Variants in CACNB2 observed in about 807,000 individuals in gnomAD.
CACNB2 encodes voltage-dependent L-type calcium channel subunit beta-2.
CACNB2 carries 42 observed loss-of-function variants against 73.3 expected under a neutral mutation model. The ratio of observed to expected loss-of-function variants is 0.57; its 90% CI spans 0.45 to 0.74. The LOEUF is 0.74. Among genes scored for constraint, CACNB2 ranks in the 30% least tolerant of loss-of-function variants. The pLI is 0.00. For synonymous variants in CACNB2, 348 were observed against 310.3 expected, an observed-to-expected ratio of 1.12 and a Z score of -1.28; for missense variants, 940 against 853.0, an observed-to-expected ratio of 1.10 and a Z score of -1.27.
intron 3 of CACNB2, among the ~76,000 whole-genome samples, chr10:18,424,830 T>C (rs1269286696): frequency 6.6e-6 from 1 of 152,238 alleles, no homozygotes; most frequent in African/African-American, 2.4e-5. Context: ...CAATATGTGG[T>C]CTTCCAGTAG....
At chr10:18,460,991 G>A (rs767005891) in intron 3 of CACNB2, among the ~76,000 whole-genome samples, 31 of 152,044 alleles carry the variant, frequency 2.0e-4, no homozygotes, top group Middle Eastern at 6.8e-3. Context: ...GGGCAATGGC[G>A]TGATCTTGGC....
Position 18,498,351 on chromosome 10 carries a change from T to A in CACNB2, c.334-4T>A. The A allele has an allele frequency of 4.3e-6, 7 of 1,614,106 alleles. No individual in the cohort carries two copies. Among genetic ancestry groups the A allele is most frequent in the Non-Finnish European group, 5.9e-6 (7 of 1,179,970 alleles). ...TTTTTTCCCTCTTCCTTTTCCCACTTTAGACAAAGCCCGTTGCATTTGCGG... is the reference window on the plus strand; with the variant it reads ...TTTTTTCCCTCTTCCTTTTCCCACTATAGACAAAGCCCGTTGCATTTGCGG... On this transcript the variant is annotated splice_region_variant and splice_polypyrimidine_tract_variant and intron_variant, in intron 3 of 13. Coordinates refer to ENST00000324631, the MANE Select transcript of CACNB2 (RefSeq NM_201596.3).
chr10:18,291,832 C>T lies in CACNB2; in HGVS notation c.214-110092C>T, dbSNP rs150205631. 3.2e-4 allele frequency among the ~76,000 whole-genome samples: 49 copies of T among 152,240 alleles called. No homozygotes were observed. In the East Asian group the frequency reaches 9.1e-3, roughly 28 times the overall value. On this transcript the variant is annotated intron_variant, in intron 2 of 13. Transcript: ENST00000324631. The stretch of plus-strand genomic sequence containing the variant: ...AACACATGCTTTAAGAACTTAAAGA[C>T]ATCTAGTTGTTTCATGTTGGTAAGA...
intron 3 of CACNB2, among the ~76,000 whole-genome samples, chr10:18,417,063 A>C (rs544781518): frequency 6.6e-6 from 1 of 151,702 alleles, no homozygotes; most frequent in Non-Finnish European, 1.5e-5. Flanking sequence ...CTGAGAATGC[A>C]TTAATGTTTC....
chr10:18,204,990 A>AG, intron 2 of CACNB2, among the ~76,000 whole-genome samples: 1 of 151,898 alleles, frequency 6.6e-6, no homozygotes. Flanking sequence ...AAAAAAAAAA[A>AG]AAAGGTCTGG....
chr10:18,525,833 AT>A (rs2133216852), intron 9 of CACNB2, among the ~76,000 whole-genome samples: 1 of 151,946 alleles, frequency 6.6e-6, no homozygotes, highest in Non-Finnish European at 1.5e-5. Flanking sequence ...GAAATGTTAC[AT>A]TTCTTTTAAC....
chr10:18,283,400 G>T (rs1366323602), intron 2 of CACNB2, among the ~76,000 whole-genome samples: 1 of 152,062 alleles, frequency 6.6e-6, no homozygotes, highest in East Asian at 1.9e-4. Flanking sequence ...ATTCACAATA[G>T]CAAAGACTTG....
chr10:18,516,486 G>A (rs1419123930), intron 7 of CACNB2, among the ~76,000 whole-genome samples: 1 of 152,190 alleles, frequency 6.6e-6, no homozygotes, highest in African/African-American at 2.4e-5. Context: ...CTTGGTAGCT[G>A]TTACTAAAAT....
intron 2 of CACNB2, among the ~76,000 whole-genome samples, chr10:18,318,395 T>C (rs1007386167): frequency 6.6e-6 from 1 of 152,126 alleles, no homozygotes; most frequent in African/African-American, 2.4e-5. Context: ...TATTTAATAA[T>C]TGGTGCTGGG....
intron 2 of CACNB2, among the ~76,000 whole-genome samples, chr10:18,317,481 T>C (rs1334068218): frequency 6.6e-6 from 1 of 152,184 alleles, no homozygotes; most frequent in Non-Finnish European, 1.5e-5. Context: ...TGAGAACATG[T>C]AGAATTTGAT....
chr10:18,280,757 C>T (rs1221379226), intron 2 of CACNB2, among the ~76,000 whole-genome samples: 4 of 152,154 alleles, frequency 2.6e-5, no homozygotes, highest in Non-Finnish European at 4.4e-5. Flanking sequence ...ATAAAAATGA[C>T]AGTTAATTAC....
chr10:18,534,541 A>C (rs151052124), intron 11 of CACNB2, among the ~76,000 whole-genome samples: 3 of 152,354 alleles, frequency 2.0e-5, no homozygotes, highest in Admixed American at 2.0e-4. Context: ...CTGATGCAAA[A>C]GCAATGGTGG....
chr10:18,290,737 G>T lies in CACNB2; in HGVS notation c.214-111187G>T, dbSNP rs148389888. ...ACTCCGGTGAAGAGAAGGACAACAG[G>T]CTTTCTAATCACACGGTGTTGCTTG... is the stretch of plus-strand genomic sequence containing the variant. On this transcript the variant is annotated intron_variant, in intron 2 of 13. Coordinates refer to ENST00000324631, the MANE Select transcript of CACNB2 (RefSeq NM_201596.3). Among the ~76,000 whole-genome samples, 268 of 152,296 alleles carry T rather than the reference G, an allele frequency of 1.8e-3. 3 individuals are homozygous for T. The highest frequency in any genetic ancestry group is 5.8e-3 in the African/African-American group (242 of 41,544).
At chr10:18,422,961 T>C (rs2045406667) in intron 3 of CACNB2, among the ~76,000 whole-genome samples, 1 of 152,190 alleles carries the variant, frequency 6.6e-6, no homozygotes, top group Non-Finnish European at 1.5e-5. Context: ...GCTTCCCAAA[T>C]TGCTGTGATT....
intron 2 of CACNB2, among the ~76,000 whole-genome samples, chr10:18,191,970 G>C (rs2034418719): frequency 6.6e-6 from 1 of 151,894 alleles, no homozygotes; most frequent in Non-Finnish European, 1.5e-5. Context: ...TGGGATTGCT[G>C]GGTCAAATGG....
At position 18,378,886 on chromosome 10, in the gene CACNB2, G is replaced by T. The variant is rs187646958; in HGVS notation, c.214-23038G>T. On this transcript the variant is annotated intron_variant, in intron 2 of 13. Coordinates refer to ENST00000324631, the MANE Select transcript of CACNB2 (RefSeq NM_201596.3). ...AAAAATTACCTCCCTTCCTCTTTCTGCTCCCAACTCCTTAGAACAAATTTG... is the reference window on the plus strand; with the variant it reads ...AAAAATTACCTCCCTTCCTCTTTCTTCTCCCAACTCCTTAGAACAAATTTG... 2.4e-3 allele frequency among the ~76,000 whole-genome samples: 359 copies of T among 152,206 alleles called. 3 individuals are homozygous for T. Among genetic ancestry groups the T allele is most frequent in the African/African-American group, 8.3e-3 (343 of 41,536 alleles).
At chr10:18,223,889 A>C (rs948321349) in intron 2 of CACNB2, among the ~76,000 whole-genome samples, 3 of 152,108 alleles carry the variant, frequency 2.0e-5, no homozygotes, top group Non-Finnish European at 2.9e-5. Context: ...GGCTCTTAGA[A>C]AATGGGAACT....
At chr10:18,413,910 C>G (rs117788136) in intron 3 of CACNB2, among the ~76,000 whole-genome samples, 1 of 152,344 alleles carries the variant, frequency 6.6e-6, no homozygotes, top group South Asian at 2.1e-4. Context: ...CAGCACCTGC[C>G]GTGGAGCAGT....
intron 2 of CACNB2, among the ~76,000 whole-genome samples, chr10:18,152,685 C>G (rs1376115648): frequency 8.7e-6 from 1 of 115,552 alleles, no homozygotes; most frequent in Non-Finnish European, 1.6e-5. Context: ...AACTCTGAGT[C>G]ATCATGCAGG....
Sources: allele counts gnomAD v4.1 joint callset (sites outside exome capture counted in the v4.1 genomes callset), GRCh38; gene constraint gnomAD v4.1.1; transcripts MANE v1.5; gene names NCBI Gene and HGNC (gene_info 2026-07-23, HGNC 2026-07-21).